NRG3: variants seen among roughly 807,000 people sequenced by gnomAD.
NRG3 encodes the protein neuregulin 3, also known as pro-neuregulin-3, membrane-bound isoform.
In NRG3, 31 loss-of-function variants were observed where a neutral mutation model predicts 66.9. That is an observed-to-expected ratio of 0.46 (90% CI 0.35 to 0.63). NRG3 has a LOEUF of 0.63. NRG3 is among the 20% of genes least tolerant of loss of function. The pLI, the probability that NRG3 is intolerant of heterozygous loss-of-function variation, is 0.00. For missense variants in NRG3, 910 were observed against 878.9 expected (o/e 1.04, Z -0.45); for synonymous variants, 393 against 359.4 (o/e 1.09, Z -1.06).
chr10:81,935,303 GA>G (rs1370897884), intron 1 of NRG3, among the ~76,000 whole-genome samples: 1 of 152,068 alleles, frequency 6.6e-6, no homozygotes, highest in Non-Finnish European at 1.5e-5. Context: ...TCATTTTGGG[GA>G]AAAAATAACT....
intron 2 of NRG3, among the ~76,000 whole-genome samples, chr10:82,689,063 C>A (rs1310782132): frequency 6.6e-6 from 1 of 152,112 alleles, no homozygotes; most frequent in African/African-American, 2.4e-5. Context: ...AATCATATCT[C>A]CTTTTATAAA....
chr10:81,913,742 A>G (rs1254787077), intron 1 of NRG3, among the ~76,000 whole-genome samples: 1 of 152,082 alleles, frequency 6.6e-6, no homozygotes, highest in Admixed American at 6.6e-5. Flanking sequence ...TGAAGTAGAG[A>G]TGGTTGGTGA....
chr10:82,553,804 G>A (rs1221533496), intron 2 of NRG3, among the ~76,000 whole-genome samples: 1 of 152,030 alleles, frequency 6.6e-6, no homozygotes, highest in Non-Finnish European at 1.5e-5. Flanking sequence ...TTCTAACACT[G>A]GATTAAGGCA....
rs560077052 is a variant in NRG3 at position 82,519,626 on chromosome 10, T to C, written c.953+160758T>C. On this transcript the variant is annotated intron_variant, in intron 2 of 8. Transcript: ENST00000372141. ...TCTCTTCTGGGCTCTGTTTTGTGTA[T>C]TCAAGCATATCAGTATGCTTTGAAG... Among the ~76,000 whole-genome samples the C allele has an allele frequency of 1.3e-4, 20 of 152,306 alleles. No individual in the cohort carries two copies. In the South Asian group the frequency reaches 4.1e-3, roughly 32 times the overall value.
chr10:82,575,694 C>T (rs918349986), intron 2 of NRG3, among the ~76,000 whole-genome samples: 4 of 151,744 alleles, frequency 2.6e-5, no homozygotes, highest in Admixed American at 2.6e-4. Context: ...TTAGCATTTC[C>T]TATGGGGCCA....
intron 1 of NRG3, among the ~76,000 whole-genome samples, chr10:82,278,864 A>C (rs1048535164): frequency 6.6e-6 from 1 of 152,014 alleles, no homozygotes; most frequent in Non-Finnish European, 1.5e-5. Context: ...CGCCTTGACA[A>C]CTTCTGTATT....
rs557615678 is a variant in NRG3, at chr10:82,941,566, G to C, written c.1055-9903G>C. 1.5e-4 allele frequency among the ~76,000 whole-genome samples: 23 copies of C among 152,266 alleles called. No homozygotes were observed. In the South Asian group the frequency reaches 3.9e-3, roughly 26 times the overall value. On this transcript the variant is annotated intron_variant, in intron 4 of 8. Coordinates refer to ENST00000372141, the MANE Select transcript of NRG3 (RefSeq NM_001010848.4). ...CCTGCTTTATCTAACAATAATTAAT[G>C]CTGGATTAAATGCACTTAAACTTAA...
rs184052750 is a variant in NRG3 at position 81,933,351 on chromosome 10, G to C, written c.823+57188G>C. Among the ~76,000 whole-genome samples, 139 of 152,172 alleles carry C rather than the reference G, an allele frequency of 9.1e-4. 1 individual carries two copies. The highest frequency in any genetic ancestry group is 1.5e-3 in the Non-Finnish European group (101 of 67,998). Reference sequence around the variant, plus strand: ...TAGATACTTATGTCCCAATTTTGTAGATCAGAAAATTGAAGTTAAGGAGAT... The same window carrying C: ...TAGATACTTATGTCCCAATTTTGTACATCAGAAAATTGAAGTTAAGGAGAT... On this transcript the variant is annotated intron_variant, in intron 1 of 8. Coordinates refer to ENST00000372141, the MANE Select transcript of NRG3 (RefSeq NM_001010848.4).
intron 6 of NRG3, among the ~76,000 whole-genome samples, chr10:82,961,926 CTT>C (rs1850685576): frequency 1.3e-5 from 2 of 152,172 alleles, no homozygotes; most frequent in African/African-American, 4.8e-5. Flanking sequence ...GCAAATCTGT[CTT>C]TGTTTTATCT....
intron 1 of NRG3, among the ~76,000 whole-genome samples, chr10:82,216,772 T>G (rs1057409959): frequency 2.0e-5 from 3 of 152,144 alleles, no homozygotes; most frequent in Non-Finnish European, 4.4e-5. Flanking sequence ...CTAAACTGTG[T>G]ATTTCTAAAT....
In NRG3 at chr10:82,035,950, G is replaced by A. The variant is rs531659246; in HGVS notation, c.823+159787G>A. On this transcript the variant is annotated intron_variant, in intron 1 of 8. Transcript: ENST00000372141. ...AAATTGAGGTCTTACAATATCATGAGGTCTTACAATATCAGTGAAGCAATA... is the reference window on the plus strand; with the variant it reads ...AAATTGAGGTCTTACAATATCATGAAGTCTTACAATATCAGTGAAGCAATA... Among the ~76,000 whole-genome samples, 22 of 152,168 alleles carry A rather than the reference G, an allele frequency of 1.4e-4. No individual in the cohort carries two copies. In the South Asian group the frequency reaches 4.6e-3, roughly 32 times the overall value.
intron 3 of NRG3, among the ~76,000 whole-genome samples, chr10:82,831,288 C>T (rs2062507409): frequency 6.6e-6 from 1 of 152,174 alleles, no homozygotes; most frequent in African/African-American, 2.4e-5. Flanking sequence ...AAGAAGTCTA[C>T]TTAACTGATA....
At chr10:82,490,726 A>G (rs985835352) in intron 2 of NRG3, among the ~76,000 whole-genome samples, 1 of 151,980 alleles carries the variant, frequency 6.6e-6, no homozygotes, top group African/African-American at 2.4e-5. Flanking sequence ...CCAGTACTTG[A>G]TTCCTATTCT....
intron 1 of NRG3, among the ~76,000 whole-genome samples, chr10:82,352,248 A>G (rs900983434): frequency 6.6e-6 from 1 of 152,234 alleles, no homozygotes; most frequent in Non-Finnish European, 1.5e-5. Flanking sequence ...ACATGTTTGT[A>G]TCTTCCAGAA....
chr10:82,284,533 A>G (rs2079306373), intron 1 of NRG3, among the ~76,000 whole-genome samples: 1 of 152,160 alleles, frequency 6.6e-6, no homozygotes, highest in Admixed American at 6.5e-5. Context: ...AGATAAATCC[A>G]TTTTCCATTT....
intron 1 of NRG3, among the ~76,000 whole-genome samples, chr10:82,124,660 C>T (rs1210874281): frequency 6.6e-6 from 1 of 151,004 alleles, no homozygotes; most frequent in Non-Finnish European, 1.5e-5. Flanking sequence ...TGCAGCAAAC[C>T]ACCATGGCAC....
intron 1 of NRG3, among the ~76,000 whole-genome samples, chr10:82,082,660 G>C (rs2065461634): frequency 6.6e-6 from 1 of 151,972 alleles, no homozygotes; most frequent in Non-Finnish European, 1.5e-5. Flanking sequence ...GGGAAGGTGT[G>C]GTCACTTCTG....
At chr10:82,308,223 A>G (rs1441618594) in intron 1 of NRG3, among the ~76,000 whole-genome samples, 2 of 152,096 alleles carry the variant, frequency 1.3e-5, no homozygotes, top group South Asian at 2.1e-4. Flanking sequence ...TGAATTTGGG[A>G]TGACAGGCAC....
chr10:82,613,649 T>C, intron 2 of NRG3, among the ~76,000 whole-genome samples: 1 of 151,870 alleles, frequency 6.6e-6, no homozygotes, highest in Non-Finnish European at 1.5e-5. Flanking sequence ...AGTTTAACTA[T>C]AAACATATTT....
Sources: gnomAD v4.1 joint callset for allele counts (sites outside exome capture counted in the v4.1 genomes callset) on GRCh38, gnomAD v4.1.1 for gene constraint, MANE v1.5 for transcripts, NCBI Gene and HGNC (gene_info 2026-07-23, HGNC 2026-07-21) for gene names.